Variants in PIEZO2 observed in about 807,000 individuals in gnomAD.
The protein encoded by PIEZO2 is piezo-type mechanosensitive ion channel component 2.
In PIEZO2, 172 loss-of-function variants were observed where a neutral mutation model predicts 337.3. That is an observed-to-expected ratio of 0.51 (90% confidence interval 0.45 to 0.58). The LOEUF is 0.58. Ranked by LOEUF, PIEZO2 falls within the 20% of genes least tolerant of loss-of-function variation. PIEZO2 has a pLI of 0.00. For synonymous variants in PIEZO2, 1,251 were observed against 1,228.5 expected (o/e 1.02, Z -0.38); for missense variants, 3,028 against 3,391.3 (o/e 0.89, Z 2.66).
chr18:10,758,178 C>T, intron 26 of PIEZO2, 44 bp from the exon 27 acceptor site: 1 of 1,520,714 alleles, frequency 6.6e-7, no homozygotes, highest in Non-Finnish European at 8.8e-7. Context: ...TCATCCTCTT[C>T]TGATTTACAT....
At position 11,001,934 on chromosome 18, in the gene PIEZO2, G is replaced by GAAGGAAGGAAGGAAGGAAGGAAGC. The variant is rs1033214542; in HGVS notation, c.161-22275_161-22274insGCTTCCTTCCTTCCTTCCTTCCTT. On this transcript the variant is annotated intron_variant, in intron 2 of 55. Coordinates refer to ENST00000674853, the MANE Select transcript of PIEZO2 (RefSeq NM_001378183.1). The surrounding 1 kb of genome is among the most constrained non-coding windows in gnomAD (Gnocchi z 5.3). ...GGAAGGAAGGAAGGAAGGAAGGAAG[G>GAAGGAAGGAAGGAAGGAAGGAAGC]AAGGAAGGAAGGAAGAAAAAAAGAC... 1.9e-3 allele frequency among the ~76,000 whole-genome samples: 234 copies of GAAGGAAGGAAGGAAGGAAGGAAGC among 122,508 alleles called. 3 individuals carry two copies. Among genetic ancestry groups the GAAGGAAGGAAGGAAGGAAGGAAGC allele is most frequent in the African/African-American group, 6.1e-3 (227 of 36,990 alleles). 80.4% of individuals were successfully genotyped at this position (122,508 alleles called of 152,430 possible). A position where few individuals can be genotyped will look rare whatever the true frequency, so the allele number is the denominator to read the frequency against.
At chr18:10,820,037 G>A (rs556183968) in intron 7 of PIEZO2, among the ~76,000 whole-genome samples, 7 of 152,242 alleles carry the variant, frequency 4.6e-5, no homozygotes, top group African/African-American at 1.7e-4. Flanking sequence ...TGAGAAGAGT[G>A]TGATAATTCT....
rs985048173 is a variant in PIEZO2 at position 11,016,530 on chromosome 18, C to G, written c.161-36870G>C. ...TTAAGCGGCTTAACAAAGAGGTGTG[C>G]CCGAGAAATGCAATTAGTTCATCAA... On this transcript the variant is annotated intron_variant, in intron 2 of 55. Transcript: ENST00000674853. This position sits in a 1 kb window ranked among gnomAD's most constrained non-coding sequence, Gnocchi z 5.6. Among the ~76,000 whole-genome samples the G allele has an allele frequency of 3.3e-5, 5 of 152,016 alleles. No homozygotes were observed. Among genetic ancestry groups the G allele is most frequent in the Non-Finnish European group, 7.4e-5 (5 of 68,016 alleles).
intron 18 of PIEZO2, among the ~76,000 whole-genome samples, chr18:10,779,546 A>G (rs1189716760): frequency 3.9e-5 from 6 of 152,234 alleles, no homozygotes; most frequent in African/African-American, 1.4e-4. Flanking sequence ...AGGAAAGTCC[A>G]TATCTCAGTG....
At position 10,681,682 on chromosome 18, in the gene PIEZO2, T is replaced by C. The variant is rs143299649; in HGVS notation, c.7758A>G (p.Ile2586Met). The C allele has an allele frequency of 1.5e-4, 247 of 1,605,140 alleles. No homozygotes were observed. The highest frequency in any genetic ancestry group is 2.0e-4 in the Non-Finnish European group (235 of 1,171,976). Residue 2586 changes from isoleucine to methionine, a missense_variant, in exon 51 of 56, where the codon ATA becomes ATG. By Grantham distance (10) the Ile-to-Met change is conservative. Coordinates refer to ENST00000674853, the MANE Select transcript of PIEZO2 (RefSeq NM_001378183.1). ...VMDQQSFNKF[I>M]QAFSRDTGAM... ...TTACGGTGTCCCTAGAAAAAGCTTG[T>C]ATAAATTTGTTAAAGCTCTGCTGGT...
intron 44 of PIEZO2, 136 bp from the exon 45 acceptor site, chr18:10,698,016 C>A: frequency 5.9e-5 from 9 of 151,934 alleles, no homozygotes; most frequent in Middle Eastern, 2.4e-3. Flanking sequence ...TATGCACGGC[C>A]TTGGGATTTG....
intron 2 of PIEZO2, among the ~76,000 whole-genome samples, chr18:11,024,342 G>A (rs1172079507): frequency 6.6e-6 from 1 of 151,936 alleles, no homozygotes; most frequent in Admixed American, 6.5e-5. Flanking sequence ...TCAGGAGATC[G>A]AGACCATCCT....
At chr18:11,010,988 G>T (rs2035878563) in intron 2 of PIEZO2, among the ~76,000 whole-genome samples, 1 of 152,206 alleles carries the variant, frequency 6.6e-6, no homozygotes, top group Admixed American at 6.5e-5. Context: ...TGCGACATCA[G>T]TTCATTGTAC....
Position 10,856,454 on chromosome 18 carries a change from G to T in PIEZO2, c.703+547C>A, listed in dbSNP as rs1176183394. Among the ~76,000 whole-genome samples, 1 of 152,158 alleles carries T rather than the reference G, an allele frequency of 6.6e-6. No individual in the cohort carries two copies. The highest frequency in any genetic ancestry group is 6.5e-5 in the Admixed American group (1 of 15,272). ...CCGGGGCAGTGGTGAGCAGTGGAAT[G>T]GAAGGAGGGAAAAGATCAAGATAAC... On this transcript the variant is annotated intron_variant, in intron 6 of 55. Transcript: ENST00000674853. The surrounding 1 kb of genome is among the most constrained non-coding windows in gnomAD (Gnocchi z 4.7).
intron 2 of PIEZO2, among the ~76,000 whole-genome samples, chr18:11,025,520 G>T (rs989544381): frequency 1.3e-5 from 2 of 151,940 alleles, no homozygotes; most frequent in African/African-American, 2.4e-5. Context: ...CAAAGGGCCC[G>T]GTGCACTAGC....
intron 3 of PIEZO2, among the ~76,000 whole-genome samples, chr18:10,924,948 GAA>G: frequency 6.6e-6 from 1 of 152,182 alleles, no homozygotes; most frequent in East Asian, 1.9e-4. Flanking sequence ...AAAATTTTAT[GAA>G]AAATAAAAAC....
intron 44 of PIEZO2, among the ~76,000 whole-genome samples, chr18:10,698,480 G>A (rs746164617): frequency 4.4e-4 from 67 of 152,290 alleles, no homozygotes; most frequent in Admixed American, 7.8e-4. Context: ...GATTGTACTC[G>A]TTGTTTGGGA....
Position 10,696,457 on chromosome 18 carries a change from C to T in PIEZO2, c.6910G>A (p.Val2304Ile), listed in dbSNP as rs1056190716. 1 of 1,614,100 alleles carries T rather than the reference C, an allele frequency of 6.2e-7. No homozygotes were observed. Among genetic ancestry groups the T allele is most frequent in the African/African-American group, 1.3e-5 (1 of 74,938 alleles). The change falls in exon 46 of 56, where the codon GTA (valine) becomes ATA (isoleucine). Residue 2304 changes from valine to isoleucine, a missense_variant. By Grantham distance (29) the Val-to-Ile change is conservative (BLOSUM62 3). Transcript: ENST00000674853. Reference protein sequence around the residue: ...PEYSAVTDVYVLMFLADTVDF... With the variant: ...PEYSAVTDVYILMFLADTVDF... ...ACAGTGTCAGCCAGGAACATGAGTA[C>T]ATACACGTCAGTCACGGCGCTATAC...
At position 11,116,174 on chromosome 18, in the gene PIEZO2, C is replaced by A. The variant is rs1469644936; in HGVS notation, c.64+32351G>T. ...CATAAAAGATTTTAGGACAATTATG[C>A]AAATAAAAACATGGCCAGTGCTCAG... On this transcript the variant is annotated intron_variant, in intron 1 of 55. Transcript: ENST00000674853. This position sits in a 1 kb window ranked among gnomAD's most constrained non-coding sequence, Gnocchi z 5.0. 6.6e-6 allele frequency among the ~76,000 whole-genome samples: 1 copy of A among 152,134 alleles called. No individual in the cohort carries two copies. Among genetic ancestry groups the A allele is most frequent in the Non-Finnish European group, 1.5e-5 (1 of 68,024 alleles).
At chr18:11,022,993 G>T (rs541231150) in intron 2 of PIEZO2, among the ~76,000 whole-genome samples, 38 of 152,150 alleles carry the variant, frequency 2.5e-4, no homozygotes, top group Admixed American at 3.9e-4. Context: ...CTTAAGGCGG[G>T]GAGTCTGGAG....
At chr18:11,068,723 G>A (rs2038239165) in intron 1 of PIEZO2, among the ~76,000 whole-genome samples, 1 of 152,034 alleles carries the variant, frequency 6.6e-6, no homozygotes, top group Non-Finnish European at 1.5e-5. Context: ...AAAACCAATA[G>A]AAAAGGCCAA....
In PIEZO2 at chr18:10,672,265, C is replaced by G. The variant is rs558155092; in HGVS notation, c.8345+425G>C. ...GAAATACAATATTTTACATTTGTGT[C>G]TTGTGGGGATGTGCGTGTCCTAGGA... On this transcript the variant is annotated intron_variant, in intron 55 of 55. Transcript: ENST00000674853. The surrounding 1 kb of genome is among the most constrained non-coding windows in gnomAD (Gnocchi z 4.7). Among the ~76,000 whole-genome samples, 3 of 151,978 alleles carry G rather than the reference C, an allele frequency of 2.0e-5. No individual in the cohort carries two copies. Among genetic ancestry groups the G allele is most frequent in the African/African-American group, 7.3e-5 (3 of 41,342 alleles).
intron 2 of PIEZO2, among the ~76,000 whole-genome samples, chr18:11,005,364 G>A (rs1042382691): frequency 2.0e-5 from 3 of 152,188 alleles, no homozygotes; most frequent in Non-Finnish European, 4.4e-5. Flanking sequence ...CTTTGCGTTT[G>A]TCTTTTATTT....
rs2042989956 is a variant in PIEZO2, at chr18:10,899,527, A to G, written c.329+11659T>C. Reference sequence around the variant, plus strand: ...AAAATGCCTATGGAAAAGGCATTTTATGGTGGTTAGAGATATCAGAGAGCT... The same window carrying G: ...AAAATGCCTATGGAAAAGGCATTTTGTGGTGGTTAGAGATATCAGAGAGCT... On this transcript the variant is annotated intron_variant, in intron 4 of 55. Transcript: ENST00000674853. The surrounding 1 kb of genome is among the most constrained non-coding windows in gnomAD (Gnocchi z 4.6). 6.6e-6 allele frequency among the ~76,000 whole-genome samples: 1 copy of G among 152,210 alleles called. No homozygotes were observed. Among genetic ancestry groups the G allele is most frequent in the African/African-American group, 2.4e-5 (1 of 41,454 alleles).
Sources: allele counts gnomAD v4.1 joint callset (sites outside exome capture counted in the v4.1 genomes callset), GRCh38; gene constraint gnomAD v4.1.1; non-coding constraint Gnocchi (gnomAD v3.1); transcripts MANE v1.5; gene names NCBI Gene and HGNC (gene_info 2026-07-23, HGNC 2026-07-21).